Variants in SMG1 observed in about 807,000 individuals in gnomAD.
SMG1 encodes SMG1 nonsense mediated mRNA decay associated PI3K related kinase.
A neutral mutation model predicts 419.9 loss-of-function variants in SMG1; 22 were observed. The ratio of observed to expected loss-of-function variants is 0.05; its 90% CI spans 0.04 to 0.07. The LOEUF (loss-of-function observed/expected upper bound fraction) is 0.07, where lower values mean the gene tolerates loss of function less well. SMG1 is among the 10% of genes least tolerant of loss of function. The pLI, the probability that SMG1 is intolerant of heterozygous loss-of-function variation, is 1.00. For synonymous variants in SMG1, 1,538 were observed against 1,553.5 expected, an observed-to-expected ratio of 0.99 and a Z score of 0.23; for missense variants, 3,185 against 4,342.0, an observed-to-expected ratio of 0.73 and a Z score of 7.49.
At chr16:18,835,885 C>A (rs775205962) in intron 48 of SMG1, 48 bp downstream of exon 48, 3 of 1,521,184 alleles carry the variant, frequency 2.0e-6, no homozygotes, top group Non-Finnish European at 8.9e-7. Flanking sequence ...GGTGACAGAA[C>A]AAGACTCCGT....
chr16:18,867,016 A>C (rs921759938), intron 22 of SMG1, among the ~76,000 whole-genome samples: 1 of 152,230 alleles, frequency 6.6e-6, no homozygotes, highest in Non-Finnish European at 1.5e-5. Flanking sequence ...AAGTTACCCA[A>C]ACATTCAACC....
rs751761515 is a variant in SMG1 at position 18,859,671 on chromosome 16, G to A, written c.3838C>T (p.Pro1280Ser). The change falls in exon 27 of 63, where the codon CCG becomes TCG. Residue 1280 changes from proline (P) to serine (S), a missense_variant. This residue lies in a region of SMG1 where 120 missense variants were observed against 193.3 expected (regional missense o/e 0.62). Transcript: ENST00000446231. ...MKKLLPNMLSPDPRELQKSIE... is the reference protein window; with the variant it reads ...MKKLLPNMLSSDPRELQKSIE... ...GATTTCTGAAGTTCCCTCGGATCCG[G>A]ACTTAACATGTTAGGAAGCAGTTTT... The A allele has an allele frequency of 3.1e-6, 5 of 1,610,694 alleles. No individual in the cohort carries two copies. The highest frequency in any genetic ancestry group is 3.4e-6 in the Non-Finnish European group (4 of 1,178,644).
intron 40 of SMG1, 135 bp from the exon 41 acceptor site, chr16:18,841,929 T>C: frequency 1.3e-6 from 1 of 794,064 alleles, no homozygotes; most frequent in Non-Finnish European, 2.1e-6. Context: ...TAAAGAATTC[T>C]ATTTTGGGAC....
intron 25 of SMG1, chr16:18,861,105 G>A (rs2035194171): frequency 5.3e-6 from 1 of 189,270 alleles, no homozygotes; most frequent in Non-Finnish European, 1.1e-5. Flanking sequence ...GACCTCTGCA[G>A]GACAACTTTG....
At chr16:18,858,325 A>G in intron 28 of SMG1, 35 bp from the exon 29 acceptor site, 1 of 1,567,460 alleles carries the variant, frequency 6.4e-7, no homozygotes, top group Non-Finnish European at 8.6e-7. Context: ...TCAACATAAA[A>G]CAGGCTGTTG....
chr16:18,885,484 C>G (rs1001242378), intron 7 of SMG1, 57 bp downstream of exon 7: 2 of 1,586,458 alleles, frequency 1.3e-6, no homozygotes, highest in Admixed American at 3.3e-5. Context: ...CTCAGATCCT[C>G]ACACACACAA....
At chr16:18,906,818 T>C (rs758033996) in intron 1 of SMG1, among the ~76,000 whole-genome samples, 2 of 152,112 alleles carry the variant, frequency 1.3e-5, no homozygotes, top group African/African-American at 2.4e-5. Context: ...GCCCCATCAC[T>C]CTTGGCAAAA....
At chr16:18,843,763 T>C (rs2034062992) in intron 39 of SMG1, among the ~76,000 whole-genome samples, 1 of 152,246 alleles carries the variant, frequency 6.6e-6, no homozygotes, top group Non-Finnish European at 1.5e-5. Context: ...CAGTGTCATT[T>C]AGAAATGCAT....
At position 18,809,614 on chromosome 16, in the gene SMG1, T is replaced by C. The variant is rs2031178521; in HGVS notation, c.10941A>G (p.Leu3647=). 2 of 1,610,532 alleles carry C rather than the reference T, an allele frequency of 1.2e-6. No homozygotes were observed. Among genetic ancestry groups the C allele is most frequent in the Non-Finnish European group, 1.7e-6 (2 of 1,178,252 alleles). ...VDYVIKEATN[L]DNLAQLYEGW... The stretch of plus-strand genomic sequence containing the variant: ...CTTCATACAGCTGAGCCAAGTTATC[T>C]AGATTAGTTGCTTCCTTAATGACAT... The change falls in exon 63 of 63, where the codon CTA becomes CTG. Residue 3647 remains leucine (L), a synonymous_variant. Transcript: ENST00000446231.
intron 10 of SMG1, among the ~76,000 whole-genome samples, chr16:18,880,992 T>C (rs1466984307): frequency 2.0e-5 from 3 of 148,562 alleles, no homozygotes; most frequent in African/African-American, 7.5e-5. Flanking sequence ...AAGCTGGGTA[T>C]GGTGACACTC....
chr16:18,907,532 C>T (rs968196854), intron 1 of SMG1, among the ~76,000 whole-genome samples: 1 of 151,936 alleles, frequency 6.6e-6, no homozygotes, highest in Non-Finnish European at 1.5e-5. Context: ...ATTTCTAACC[C>T]AAGCTAGCTT....
chr16:18,900,757 A>C (rs1018894042), intron 1 of SMG1, among the ~76,000 whole-genome samples: 15 of 152,240 alleles, frequency 9.9e-5, no homozygotes, highest in Non-Finnish European at 1.6e-4. Flanking sequence ...TCTCTAAAGT[A>C]GCAAAGATAG....
intron 13 of SMG1, among the ~76,000 whole-genome samples, chr16:18,874,561 A>T (rs1330926030): frequency 8.6e-4 from 7 of 8,170 alleles, no homozygotes; most frequent in East Asian, 3.3e-3. Context: ...CGAATTACTT[A>T]AAAAAAAAAA....
In SMG1 at chr16:18,838,114, T is replaced by A; in HGVS notation, c.7313A>T (p.Tyr2438Phe). Reference sequence around the variant, plus strand: ...CTCGGCCTGCTGGCCACCTCCACCATAGACAGCACCAGCAAACCCAGCCTC... The same window carrying A: ...CTCGGCCTGCTGGCCACCTCCACCAAAGACAGCACCAGCAAACCCAGCCTC... ...GGEAGFAGAV[Y>F]GGGGQQAESK... Residue 2438 changes from tyrosine (Y) to phenylalanine (F), a missense_variant, in exon 45 of 63, where the codon TAT becomes TTT. This residue lies in a region of SMG1 where 412 missense variants were observed against 546.6 expected (regional missense o/e 0.75). Transcript: ENST00000446231. The A allele has an allele frequency of 6.2e-7, 1 of 1,613,922 alleles. No individual in the cohort carries two copies. The highest frequency in any genetic ancestry group is 8.5e-7 in the Non-Finnish European group (1 of 1,179,870).
In SMG1 at chr16:18,809,658, G is replaced by A. The variant is rs745813844; in HGVS notation, c.10909-12C>T. 4.4e-6 allele frequency: 7 copies of A among 1,580,460 alleles called. No homozygotes were observed. Among genetic ancestry groups the A allele is most frequent in the East Asian group, 4.5e-5 (2 of 44,318 alleles). Reference sequence around the variant, plus strand: ...ATGACATAGTCAACCTGTAAAAATAGGCAGGATAGTATGTAAAGTCATTTA... The same window carrying A: ...ATGACATAGTCAACCTGTAAAAATAAGCAGGATAGTATGTAAAGTCATTTA... On this transcript the variant is annotated splice_polypyrimidine_tract_variant and intron_variant, in intron 62 of 62. Transcript: ENST00000446231.
chr16:18,863,442 T>G (rs1455553969), intron 25 of SMG1, among the ~76,000 whole-genome samples: 1 of 152,250 alleles, frequency 6.6e-6, no homozygotes, highest in African/African-American at 2.4e-5. Context: ...TAATACCAAA[T>G]GACTATCTCA....
In SMG1 at chr16:18,925,733, C is replaced by T. The variant is rs560580650; in HGVS notation, c.92+217G>A. The T allele has an allele frequency of 9.0e-3, 3,333 of 372,114 alleles. 36 individuals are homozygous for T. The highest frequency in any genetic ancestry group is 0.018 in the Middle Eastern group (25 of 1,358). The allele number at this position is 372,114 out of a possible 1,614,324, so 23.1% of individuals were successfully genotyped here. A position where few individuals can be genotyped will look rare whatever the true frequency, so the allele number is the denominator to read the frequency against. Reference sequence around the variant, plus strand: ...CCGCCGGGAGCCCCGGGTCTCGGCTCCAGCCCCGGGCTGAACAAGCAGGGA... The same window carrying T: ...CCGCCGGGAGCCCCGGGTCTCGGCTTCAGCCCCGGGCTGAACAAGCAGGGA... On this transcript the variant is annotated intron_variant, in intron 1 of 62. Coordinates refer to ENST00000446231, the MANE Select transcript of SMG1 (RefSeq NM_015092.5).
intron 58 of SMG1, 57 bp from the exon 59 acceptor site, chr16:18,815,708 C>G (rs1250279145): frequency 3.3e-5 from 47 of 1,428,048 alleles, no homozygotes; most frequent in Non-Finnish European, 4.5e-5. Flanking sequence ...TAATTACTCT[C>G]AAGACAGTCA....
chr16:18,872,470 A>C, intron 14 of SMG1, 24 bp downstream of exon 14: 1 of 1,536,738 alleles, frequency 6.5e-7, no homozygotes, highest in East Asian at 2.3e-5. Flanking sequence ...TGGGGTTCTT[A>C]AGAAAAATTT....
Sources: allele counts gnomAD v4.1 joint callset (sites outside exome capture counted in the v4.1 genomes callset), GRCh38; gene constraint gnomAD v4.1.1; regional missense constraint gnomAD v4.1.1; transcripts MANE v1.5; gene names NCBI Gene and HGNC (gene_info 2026-07-23, HGNC 2026-07-21).